The following SORBS3 variants were observed in gnomAD, a reference collection of about 807,000 sequenced individuals.
The protein encoded by SORBS3 is vinexin.
SORBS3 carries 69 observed loss-of-function variants against 98.0 expected under a neutral mutation model. The observed-to-expected ratio is 0.70, with a 90% CI of 0.58 to 0.86. The LOEUF is 0.86. Ranked by LOEUF, SORBS3 falls within the 40% of genes least tolerant of loss-of-function variation. The pLI, the probability that SORBS3 is intolerant of heterozygous loss-of-function variation, is 0.00. For synonymous variants in SORBS3, 394 were observed against 355.4 expected (o/e 1.11, Z -1.22); for missense variants, 954 against 908.5 (o/e 1.05, Z -0.64).
intron 17 of SORBS3, 51 bp from the exon 18 acceptor site, chr8:22,570,859 G>A: frequency 6.6e-7 from 1 of 1,525,456 alleles, no homozygotes; most frequent in Non-Finnish European, 8.9e-7. Context: ...AGGCACCCGT[G>A]GGTCCATGGC....
Position 22,564,299 on chromosome 8 carries a change from A to C in SORBS3, c.692A>C (p.Glu231Ala), listed in dbSNP as rs199735779. ...QPSNQVLRRREKVDNVWTEES... is the reference protein window; with the variant it reads ...QPSNQVLRRRAKVDNVWTEES... ...TCCACGCAGGTGCTCAGACGCCGGG[A>C]AAAAGTAGACAATGTCTGGACGGAA... The change falls in exon 9 of 21, where the codon GAA becomes GCA. Residue 231 changes from glutamate to alanine, a missense_variant. By Grantham distance (107) the Glu-to-Ala change is moderately radical. Transcript: ENST00000240123. 6.2e-6 allele frequency: 10 copies of C among 1,607,566 alleles called. No homozygotes were observed. In the African/African-American group the frequency reaches 1.3e-4, roughly 22 times the overall value.
Position 22,575,110 on chromosome 8 carries a change from G to A in SORBS3, c.*382G>A, listed in dbSNP as rs191193955. The stretch of plus-strand genomic sequence containing the variant: ...TGCCCCCACGGGGTTCCTCTAACCA[G>A]AACCAGCTTCCTAGCCTCGTAGAGA... On this transcript the variant is annotated 3_prime_UTR_variant, in exon 21 of 21. Coordinates refer to ENST00000240123, the MANE Select transcript of SORBS3 (RefSeq NM_005775.5). 9.3e-5 allele frequency: 35 copies of A among 375,904 alleles called. No homozygotes were observed. The highest frequency in any genetic ancestry group is 3.1e-4 in the Admixed American group (9 of 28,714). The allele number at this position is 375,904 out of a possible 1,614,324, so 23.3% of individuals were successfully genotyped here.
rs747347072 is a variant in SORBS3 at position 22,561,935 on chromosome 8, A to G, written c.584+4A>G. 8.7e-6 allele frequency: 14 copies of G among 1,613,602 alleles called. No homozygotes were observed. The highest frequency in any genetic ancestry group is 1.2e-5 in the Non-Finnish European group (14 of 1,179,792). On this transcript the variant is annotated splice_donor_region_variant and intron_variant, in intron 7 of 20. Coordinates refer to ENST00000240123, the MANE Select transcript of SORBS3 (RefSeq NM_005775.5). ...GCCCGGCAACATCTTCCAGTGGGTG[A>G]GCACAGTGGGGCGGGGCCGAGGGCT... is the stretch of plus-strand genomic sequence containing the variant.
At chr8:22,570,657 G>A (rs893840777) in intron 17 of SORBS3, among the ~76,000 whole-genome samples, 19 of 152,124 alleles carry the variant, frequency 1.2e-4, no homozygotes. Context: ...TGCTATGAAC[G>A]CCGAAGGGGG....
At chr8:22,565,498 G>C in intron 11 of SORBS3, 144 bp downstream of exon 11, 1 of 628,018 alleles carries the variant, frequency 1.6e-6, no homozygotes, top group Non-Finnish European at 2.4e-6. Context: ...GGGCCCTCCT[G>C]GGCGCTGGCG....
At chr8:22,572,922 T>A (rs943451991) in intron 20 of SORBS3, among the ~76,000 whole-genome samples, 3 of 152,220 alleles carry the variant, frequency 2.0e-5, no homozygotes, top group Admixed American at 1.3e-4. Context: ...GCAGGAAGCC[T>A]CAGGTTGGCC....
upstream of SORBS3, chr8:22,550,083 A>G: frequency 1.1e-6 from 1 of 904,768 alleles, no homozygotes; most frequent in Non-Finnish European, 1.3e-6. Flanking sequence ...TGTCTAAGAA[A>G]ATGGGCACCT....
chr8:22,568,115 G>A (rs1233539034), intron 16 of SORBS3, among the ~76,000 whole-genome samples: 1 of 152,154 alleles, frequency 6.6e-6, no homozygotes, highest in Non-Finnish European at 1.5e-5. Flanking sequence ...GCCTCCCAAA[G>A]TGCTTGGGTT....
chr8:22,566,173 C>T, intron 12 of SORBS3, 172 bp from the exon 13 acceptor site: 2 of 906,218 alleles, frequency 2.2e-6, no homozygotes, highest in East Asian at 3.0e-5. Flanking sequence ...CCTCACCCTT[C>T]CCCGCGCAGC....
rs761169086 is a variant in SORBS3, at chr8:22,566,886, C to G, written c.1190+18C>G. The G allele has an allele frequency of 3.7e-6, 6 of 1,603,624 alleles. No individual in the cohort carries two copies. The highest frequency in any genetic ancestry group is 1.1e-5 in the South Asian group (1 of 89,774). ...TCCCCCAAGTAAGCGCCCTCCTCCC[C>G]CTCCCCTTCCACCCAAGGCAATCTC... On this transcript the variant is annotated intron_variant, in intron 15 of 20. Coordinates refer to ENST00000240123, the MANE Select transcript of SORBS3 (RefSeq NM_005775.5).
intron 16 of SORBS3, among the ~76,000 whole-genome samples, chr8:22,568,653 T>C (rs528702999): frequency 2.0e-5 from 3 of 152,346 alleles, no homozygotes; most frequent in East Asian, 1.9e-4. Context: ...TTGATTTTTA[T>C]GGGCAGAGTG....
rs1244125899 is a variant in SORBS3 at position 22,563,995 on chromosome 8, G to T, written c.593G>T (p.Trp198Leu). ...TCCTTCCCTTTCTTTAGAAGAAGCT[G>T]GGACCACTCTGAAGAGTTACCTAGA... Reference protein sequence around the residue: ...GPATSSSGRSWDHSEELPRST... With the variant: ...GPATSSSGRSLDHSEELPRST... Residue 198 changes from tryptophan to leucine, a missense_variant, in exon 8 of 21, where the codon TGG becomes TTG. Physicochemically the swap from Trp to Leu is moderately conservative, Grantham distance 61. Transcript: ENST00000240123. 6.2e-7 allele frequency: 1 copy of T among 1,613,390 alleles called. No homozygotes were observed. The highest frequency in any genetic ancestry group is 1.7e-5 in the Admixed American group (1 of 60,032).
intron 16 of SORBS3, among the ~76,000 whole-genome samples, chr8:22,567,493 G>A (rs1020719268): frequency 3.3e-5 from 5 of 152,356 alleles, no homozygotes; most frequent in African/African-American, 1.2e-4. Flanking sequence ...CAACTAGCAA[G>A]AGTGGGAAGT....
upstream of SORBS3, chr8:22,551,714 G>GGA (rs1329432264): frequency 1.0e-6 from 1 of 983,444 alleles, no homozygotes; most frequent in African/African-American, 1.8e-5. The surrounding 1 kb of genome is among the most constrained non-coding windows in gnomAD (Gnocchi z 5.8). Flanking sequence ...CCCGACGGAC[G>GGA]GAGAGCACTC....
intron 1 of SORBS3, among the ~76,000 whole-genome samples, chr8:22,553,669 A>G (rs1308301796): frequency 6.6e-6 from 1 of 152,122 alleles, no homozygotes; most frequent in Non-Finnish European, 1.5e-5. Context: ...GGGGCGGGAG[A>G]AAGTGGAGCC....
In SORBS3 at chr8:22,566,576, C is replaced by T. The variant is rs1014581939; in HGVS notation, c.1091-85C>T. On this transcript the variant is annotated intron_variant, in intron 13 of 20. Coordinates refer to ENST00000240123, the MANE Select transcript of SORBS3 (RefSeq NM_005775.5). Reference sequence around the variant, plus strand: ...GGGTGGCAGGTCACAGAGCCCCTTGCTTCTGCCAGTGCCTGCCCTAGGTGG... The same window carrying T: ...GGGTGGCAGGTCACAGAGCCCCTTGTTTCTGCCAGTGCCTGCCCTAGGTGG... 4.4e-6 allele frequency: 7 copies of T among 1,579,388 alleles called. No homozygotes were observed. In the African/African-American group the frequency reaches 9.5e-5, roughly 21 times the overall value.
rs1840368431 is a variant in SORBS3 at position 22,564,709 on chromosome 8, T to G, written c.816+188T>G. 6 of 1,409,082 alleles carry G rather than the reference T, an allele frequency of 4.3e-6. No individual in the cohort carries two copies. In the South Asian group the frequency reaches 7.4e-5, roughly 17 times the overall value. The allele number at this position is 1,409,082 out of a possible 1,614,324, so 87.3% of individuals were successfully genotyped here. A position where few individuals can be genotyped will look rare whatever the true frequency, so the allele number is the denominator to read the frequency against. The stretch of plus-strand genomic sequence containing the variant: ...ACAGGAGGCGCTCAGTAAACATGTG[T>G]TAAATAAATATGTGTTGGCCAAAGC... On this transcript the variant is annotated intron_variant, in intron 10 of 20. Coordinates refer to ENST00000240123, the MANE Select transcript of SORBS3 (RefSeq NM_005775.5).
In SORBS3 at chr8:22,575,228, G is replaced by A. The variant is rs367730865; in HGVS notation, c.*500G>A. 60 of 318,062 alleles carry A rather than the reference G, an allele frequency of 1.9e-4. No individual in the cohort carries two copies. The highest frequency in any genetic ancestry group is 2.9e-4 in the Non-Finnish European group (47 of 161,296). 19.7% of individuals were successfully genotyped at this position (318,062 alleles called of 1,614,324 possible). The stretch of plus-strand genomic sequence containing the variant: ...TCTGGCCTCCAGCTGGGTGTGGGGG[G>A]GCGGAGCAAGGCGGGGGACAGACGC... On this transcript the variant is annotated 3_prime_UTR_variant, in exon 21 of 21. Transcript: ENST00000240123.
At chr8:22,566,789 G>T (rs745367455) in intron 14 of SORBS3, 33 bp from the exon 15 acceptor site, 2 of 1,613,972 alleles carry the variant, frequency 1.2e-6, no homozygotes, top group Non-Finnish European at 8.5e-7. Flanking sequence ...CCGCCCAACT[G>T]AGAGAGCCCA....
Sources: allele counts gnomAD v4.1 joint callset (sites outside exome capture counted in the v4.1 genomes callset), GRCh38; gene constraint gnomAD v4.1.1; non-coding constraint Gnocchi (gnomAD v3.1); transcripts MANE v1.5; gene names NCBI Gene and HGNC (gene_info 2026-07-23, HGNC 2026-07-21).